The following KMT2A variants were observed in gnomAD, a reference collection of about 807,000 sequenced individuals.
KMT2A encodes the protein histone-lysine N-methyltransferase 2A.
KMT2A carries 16 observed loss-of-function variants against 345.3 expected under a neutral mutation model. The observed-to-expected ratio is 0.05, with a 90% CI of 0.03 to 0.07. The LOEUF is 0.07. KMT2A is among the 10% of genes least tolerant of loss of function. The pLI is 1.00. For missense variants in KMT2A, 3,272 were observed against 4,841.6 expected (o/e 0.68, Z 9.62); for synonymous variants, 1,599 against 1,778.6 (o/e 0.90, Z 2.54).
intron 1 of KMT2A, chr11:118,439,158 C>CAAAAAAAAAAAAAAAGAAA: frequency 4.9e-5 from 13 of 265,444 alleles, no homozygotes; most frequent in East Asian, 1.9e-4. Flanking sequence ...GATACAGCAG[C>CAAAAAAAAAAAAAAAGAAA]AAAAAAAAAA....
At chr11:118,478,693 A>G (rs781910930) in intron 5 of KMT2A, among the ~76,000 whole-genome samples, 1 of 152,228 alleles carries the variant, frequency 6.6e-6, no homozygotes, top group South Asian at 2.1e-4. Flanking sequence ...TTCAGGAAAC[A>G]TTGGAGATAC....
chr11:118,451,555 TTTTTTATG>T (rs1265599782), intron 1 of KMT2A, among the ~76,000 whole-genome samples: 2 of 152,064 alleles, frequency 1.3e-5, no homozygotes, highest in African/African-American at 2.4e-5. Context: ...ATCTGGCTAA[TTTTTTATG>T]TTTTTAGTAG....
At position 118,510,053 on chromosome 11, in the gene KMT2A, A is replaced by G. The variant is rs144844866; in HGVS notation, c.11006A>G (p.Lys3669Arg). The G allele has an allele frequency of 1.7e-5, 27 of 1,613,938 alleles. No homozygotes were observed. In the African/African-American group the frequency reaches 3.5e-4, roughly 21 times the overall value. Reference sequence around the variant, plus strand: ...GAAAGCATTACTGAGAAAAAACCCAAGAAAGGACTTGTTTTTGAAATTTCC... The same window carrying G: ...GAAAGCATTACTGAGAAAAAACCCAGGAAAGGACTTGTTTTTGAAATTTCC... ...RKESITEKKP[K>R]KGLVFEISSD... The change falls in exon 30 of 36, where the codon AAG (lysine) becomes AGG (arginine). Residue 3669 changes from lysine to arginine, a missense_variant. Around this residue, in one of 27 missense-constraint regions of KMT2A, gnomAD observed 748 missense variants for 922.2 expected, o/e 0.81. Coordinates refer to ENST00000534358, the MANE Select transcript of KMT2A (RefSeq NM_001197104.2). The surrounding 1 kb of genome is among the most constrained non-coding windows in gnomAD (Gnocchi z 4.1).
At position 118,472,733 on chromosome 11, in the gene KMT2A, A is replaced by G. The variant is rs782555430; in HGVS notation, c.1574A>G (p.Asp525Gly). The change falls in exon 3 of 36, where the codon GAT becomes GGT. Residue 525 changes from aspartate to glycine, a missense_variant. Physicochemically the swap from Asp to Gly is moderately conservative, Grantham distance 94. Around this residue, in one of 27 missense-constraint regions of KMT2A, gnomAD observed 180 missense variants for 190.7 expected, o/e 0.94. Transcript: ENST00000534358. The part of the protein sequence containing the change: ...ISQSPENESN[D>G]RRSRRYSVSE... ...CAGTCCCCAGAAAATGAGAGTAATGATAGGAGAAGCAGAAGGTATTCAGTG... is the reference window on the plus strand; with the variant it reads ...CAGTCCCCAGAAAATGAGAGTAATGGTAGGAGAAGCAGAAGGTATTCAGTG... 1.2e-6 allele frequency: 2 copies of G among 1,613,574 alleles called. No individual in the cohort carries two copies. The highest frequency in any genetic ancestry group is 2.7e-5 in the African/African-American group (2 of 74,712).
In KMT2A at chr11:118,507,616, T is replaced by C. The variant is rs1283609081; in HGVS notation, c.10835+7T>C. ...AGTGTGGGCAACCTGCAGGGTAAGC[T>C]GAAGAATTCGTCTTTTAAGACTAAG... On this transcript the variant is annotated splice_region_variant and intron_variant, in intron 28 of 35. Coordinates refer to ENST00000534358, the MANE Select transcript of KMT2A (RefSeq NM_001197104.2). The C allele has an allele frequency of 6.2e-7, 1 of 1,609,128 alleles. No homozygotes were observed. The highest frequency in any genetic ancestry group is 8.5e-7 in the Non-Finnish European group (1 of 1,175,574).
chr11:118,445,739 A>G (rs1267128074), intron 1 of KMT2A, among the ~76,000 whole-genome samples: 2 of 152,226 alleles, frequency 1.3e-5, no homozygotes, highest in Non-Finnish European at 2.9e-5. Context: ...GCAGTGGCTC[A>G]CGCCTATAAT....
intron 10 of KMT2A, among the ~76,000 whole-genome samples, chr11:118,488,211 A>C (rs1451396337): frequency 6.6e-6 from 1 of 152,152 alleles, no homozygotes; most frequent in Non-Finnish European, 1.5e-5. Context: ...AAAACAATTA[A>C]AAAAATAAAA....
At chr11:118,437,697 A>G (rs1949223862) in intron 1 of KMT2A, among the ~76,000 whole-genome samples, 1 of 144,710 alleles carries the variant, frequency 6.9e-6, no homozygotes, top group African/African-American at 2.6e-5. Context: ...CCCGTCTTAC[A>G]GGGCTACAGT....
chr11:118,492,844 T>C (rs1950347501), intron 15 of KMT2A, among the ~76,000 whole-genome samples: 1 of 152,232 alleles, frequency 6.6e-6, no homozygotes. Flanking sequence ...TTTGGAATTA[T>C]CAAGAAAAGC....
At position 118,476,986 on chromosome 11, in the gene KMT2A, G is replaced by A. The variant is rs1555037700; in HGVS notation, c.3334+4G>A. On this transcript the variant is annotated splice_donor_region_variant and intron_variant, in intron 4 of 35. Transcript: ENST00000534358. This position sits in a 1 kb window ranked among gnomAD's most constrained non-coding sequence, Gnocchi z 4.1. ...TTGTCTTCCATGGGGAATGATGGTA[G>A]GTCAAGAAGGTCAATCTTGGAGTCG... The A allele has an allele frequency of 1.9e-6, 3 of 1,613,824 alleles. No individual in the cohort carries two copies. The highest frequency in any genetic ancestry group is 2.5e-6 in the Non-Finnish European group (3 of 1,179,844).
At chr11:118,482,121 T>C in intron 7 of KMT2A, 29 bp downstream of exon 7, 1 of 1,569,588 alleles carries the variant, frequency 6.4e-7, no homozygotes, top group Non-Finnish European at 8.6e-7. Flanking sequence ...AAGGAATTGC[T>C]GAACCACAAG....
In KMT2A at chr11:118,498,226, T is replaced by A; in HGVS notation, c.5803-144T>A. The A allele has an allele frequency of 1.7e-6, 2 of 1,169,366 alleles. No individual in the cohort carries two copies. The highest frequency in any genetic ancestry group is 2.4e-6 in the Non-Finnish European group (2 of 822,018). The allele number at this position is 1,169,366 out of a possible 1,614,324, so 72.4% of individuals were successfully genotyped here. ...GATATACATAATTCAACAGATAAAATGATAAATTTTATCTGTTTTCAATTT... is the reference window on the plus strand; with the variant it reads ...GATATACATAATTCAACAGATAAAAAGATAAATTTTATCTGTTTTCAATTT... On this transcript the variant is annotated intron_variant, in intron 21 of 35. Coordinates refer to ENST00000534358, the MANE Select transcript of KMT2A (RefSeq NM_001197104.2). The surrounding 1 kb of genome is among the most constrained non-coding windows in gnomAD (Gnocchi z 4.4).
Position 118,502,311 on chromosome 11 carries a change from T to C in KMT2A, c.6506-87T>C. The C allele has an allele frequency of 1.3e-6, 1 of 750,458 alleles. No individual in the cohort carries two copies. Among genetic ancestry groups the C allele is most frequent in the South Asian group, 2.5e-5 (1 of 39,854 alleles). 46.5% of individuals were successfully genotyped at this position (750,458 alleles called of 1,614,324 possible). On this transcript the variant is annotated intron_variant, in intron 26 of 35. Transcript: ENST00000534358. The surrounding 1 kb of genome is among the most constrained non-coding windows in gnomAD (Gnocchi z 4.9). ...ATTTCCAGTTACCTATAAATATATATATATATAGTCAAATCATTGAAACCA... is the reference window on the plus strand; with the variant it reads ...ATTTCCAGTTACCTATAAATATATACATATATAGTCAAATCATTGAAACCA...
At chr11:118,486,887 CA>C (rs1950239634) in intron 10 of KMT2A, among the ~76,000 whole-genome samples, 1 of 151,784 alleles carries the variant, frequency 6.6e-6, no homozygotes, top group African/African-American at 2.4e-5. Flanking sequence ...GACCCTGTCT[CA>C]AAAAAATTTT....
chr11:118,487,118 A>C (rs557856601), intron 10 of KMT2A, among the ~76,000 whole-genome samples: 1 of 152,200 alleles, frequency 6.6e-6, no homozygotes, highest in South Asian at 2.1e-4. Context: ...AAGTTCAGAT[A>C]TCATTGAGAC....
At chr11:118,458,947 A>G (rs911236053) in intron 1 of KMT2A, among the ~76,000 whole-genome samples, 1 of 152,242 alleles carries the variant, frequency 6.6e-6, no homozygotes, top group East Asian at 1.9e-4. Flanking sequence ...AAGCCTTCAA[A>G]ACAAAGTATT....
chr11:118,463,127 T>A (rs1000870738), intron 1 of KMT2A, among the ~76,000 whole-genome samples: 12 of 152,018 alleles, frequency 7.9e-5, no homozygotes, highest in East Asian at 1.9e-4. Flanking sequence ...TATCTTTATT[T>A]TTTTTTTTTA....
intron 1 of KMT2A, among the ~76,000 whole-genome samples, chr11:118,462,561 T>C (rs995273171): frequency 1.3e-5 from 2 of 152,122 alleles, no homozygotes; most frequent in Non-Finnish European, 2.9e-5. Flanking sequence ...TATTTTTATT[T>C]ATTTATTTAT....
Position 118,501,081 on chromosome 11 carries a change from G to C in KMT2A, c.6253G>C (p.Asp2085His). The change falls in exon 25 of 36, where the codon GAT (aspartate) becomes CAT (histidine). Residue 2085 changes from aspartate (D) to histidine (H), a missense_variant. Physicochemically the swap from Asp to His is moderately conservative, Grantham distance 81. Transcript: ENST00000534358. ...GTGCCGTCCTCCAGTCGTAGAGCCG[G>C]ATATCAACAGCACTGTTGAACATGA... ...VECRPPVVEP[D>H]INSTVEHDEN... The C allele has an allele frequency of 6.2e-7, 1 of 1,614,086 alleles. No individual in the cohort carries two copies. Among genetic ancestry groups the C allele is most frequent in the Non-Finnish European group, 8.5e-7 (1 of 1,179,960 alleles).
Sources: gnomAD v4.1 joint callset for allele counts (sites outside exome capture counted in the v4.1 genomes callset) on GRCh38, gnomAD v4.1.1 for gene constraint, gnomAD v4.1.1 regional missense constraint, Gnocchi (gnomAD v3.1) non-coding constraint, MANE v1.5 for transcripts, NCBI Gene and HGNC (gene_info 2026-07-23, HGNC 2026-07-21) for gene names.